The following RYR3 variants were observed in gnomAD, a reference collection of about 807,000 sequenced individuals.
The protein encoded by RYR3 is brain ryanodine receptor-calcium release channel.
RYR3 carries 207 observed loss-of-function variants against 584.3 expected under a neutral mutation model. The observed-to-expected ratio is 0.35, with a 90% confidence interval of 0.32 to 0.40. The LOEUF (loss-of-function observed/expected upper bound fraction) is 0.40. Among genes scored for constraint, RYR3 ranks in the 10% least tolerant of loss-of-function variants. RYR3 has a pLI of 1.00. For missense variants in RYR3, 5,616 were observed against 6,089.2 expected (o/e 0.92, Z 2.59); for synonymous variants, 2,416 against 2,248.5 (o/e 1.07, Z -2.11).
intron 60 of RYR3, among the ~76,000 whole-genome samples, chr15:33,766,304 A>C (rs1015525410): frequency 6.9e-6 from 1 of 145,486 alleles, no homozygotes; most frequent in Non-Finnish European, 1.5e-5. Flanking sequence ...AAAAAAAAGA[A>C]AAAAAGAAAA....
At chr15:33,581,286 G>A (rs1332565253) in intron 13 of RYR3, among the ~76,000 whole-genome samples, 1 of 152,032 alleles carries the variant, frequency 6.6e-6, no homozygotes, top group Non-Finnish European at 1.5e-5. Context: ...GGAGGCTGCT[G>A]ACTCACTCTC....
At chr15:33,663,821 C>A in intron 36 of RYR3, 84 bp downstream of exon 36, 1 of 1,186,460 alleles carries the variant, frequency 8.4e-7, no homozygotes, top group Non-Finnish European at 1.2e-6. Flanking sequence ...CCTCTATGGT[C>A]TCTGGGGCAG....
intron 43 of RYR3, among the ~76,000 whole-genome samples, chr15:33,713,601 ATTAAC>A (rs1325245659): frequency 3.3e-5 from 5 of 152,172 alleles, no homozygotes; most frequent in Admixed American, 6.5e-5. Flanking sequence ...TTTTACATAT[ATTAAC>A]TTTAATTATA....
chr15:33,854,624 G>A (rs1022684579), intron 97 of RYR3, 142 bp from the exon 98 acceptor site: 2 of 1,161,346 alleles, frequency 1.7e-6, no homozygotes, highest in Non-Finnish European at 2.5e-6. Flanking sequence ...GGCTCACTTA[G>A]CAGATCTTGG....
intron 1 of RYR3, among the ~76,000 whole-genome samples, chr15:33,464,276 C>T (rs756379280): frequency 2.6e-5 from 4 of 150,960 alleles, no homozygotes; most frequent in Non-Finnish European, 5.9e-5. Context: ...TGAGCAGACA[C>T]CTAAAGGAAG....
intron 1 of RYR3, among the ~76,000 whole-genome samples, chr15:33,355,842 C>T (rs1264109045): frequency 6.6e-6 from 1 of 152,168 alleles, no homozygotes; most frequent in Non-Finnish European, 1.5e-5. Flanking sequence ...CCCTATACTC[C>T]CTAGGTTCCC....
chr15:33,591,352 C>T (rs2059121310), intron 16 of RYR3, among the ~76,000 whole-genome samples: 2 of 152,196 alleles, frequency 1.3e-5, no homozygotes, highest in South Asian at 4.1e-4. Flanking sequence ...ATTTCTCTTA[C>T]ATCTGTAAGT....
chr15:33,569,805 T>C (rs2057923957), intron 12 of RYR3, among the ~76,000 whole-genome samples: 1 of 152,296 alleles, frequency 6.6e-6, no homozygotes, highest in East Asian at 1.9e-4. Context: ...TGAAGTAGTA[T>C]TATCGTGGTG....
chr15:33,745,536 G>A (rs1232194028), intron 52 of RYR3, among the ~76,000 whole-genome samples: 1 of 152,140 alleles, frequency 6.6e-6, no homozygotes, highest in Non-Finnish European at 1.5e-5. Context: ...CTGTGCCTCG[G>A]ACAGAGTCTG....
chr15:33,818,446 G>A (rs1410338610), intron 75 of RYR3, 132 bp from the exon 76 acceptor site: 8 of 639,378 alleles, frequency 1.3e-5, no homozygotes, highest in South Asian at 7.9e-5. Flanking sequence ...AATACATGAC[G>A]TAGTGGTTTT....
intron 1 of RYR3, among the ~76,000 whole-genome samples, chr15:33,386,958 T>C (rs2041646826): frequency 6.6e-6 from 1 of 151,976 alleles, no homozygotes; most frequent in Admixed American, 6.6e-5. Flanking sequence ...CCCAGGTTCA[T>C]GCCATTCTCC....
chr15:33,527,657 GA>G (rs953303811), intron 3 of RYR3, among the ~76,000 whole-genome samples: 2 of 151,618 alleles, frequency 1.3e-5, no homozygotes, highest in African/African-American at 2.4e-5. Flanking sequence ...CCCTTTTACA[GA>G]AAAAAAATTG....
chr15:33,514,612 CT>C (rs199716620), intron 3 of RYR3, among the ~76,000 whole-genome samples: 3,963 of 144,130 alleles, frequency 0.027, 53 homozygotes, highest in Non-Finnish European at 0.035. Flanking sequence ...GAATGCATTA[CT>C]TTTTTTTTTT....
chr15:33,373,327 G>A (rs1210119514), intron 1 of RYR3, among the ~76,000 whole-genome samples: 3 of 152,130 alleles, frequency 2.0e-5, no homozygotes, highest in Middle Eastern at 3.2e-3. Flanking sequence ...ATGATGTGAT[G>A]TATTTATTCC....
intron 1 of RYR3, among the ~76,000 whole-genome samples, chr15:33,364,919 T>C (rs1422839566): frequency 1.3e-5 from 2 of 152,104 alleles, no homozygotes; most frequent in African/African-American, 2.4e-5. Context: ...AAAAAGTAAC[T>C]CTGCCACTTG....
At position 33,697,950 on chromosome 15, in the gene RYR3, C is replaced by T. The variant is rs768515625; in HGVS notation, c.6203C>T (p.Thr2068Met). ...ATGAGAGTCCTGGGCATGCACGAGA[C>T]GGTGATGGAGGTGATGGTGAACGTG... ...NLMRVLGMHE[T>M]VMEVMVNVLG... Residue 2068 changes from threonine to methionine, a missense_variant, in exon 40 of 104, where the codon ACG (threonine) becomes ATG (methionine). Around this residue, in one of 9 missense-constraint regions of RYR3, gnomAD observed 1,280 missense variants for 1,426.2 expected, o/e 0.90. Transcript: ENST00000634891. 7 of 1,613,588 alleles carry T rather than the reference C, an allele frequency of 4.3e-6. No individual in the cohort carries two copies. The highest frequency in any genetic ancestry group is 1.1e-5 in the South Asian group (1 of 91,076).
At chr15:33,774,494 T>C (rs767691784) in intron 64 of RYR3, among the ~76,000 whole-genome samples, 2 of 152,234 alleles carry the variant, frequency 1.3e-5, no homozygotes, top group Admixed American at 6.5e-5. Flanking sequence ...TCAGAACTTA[T>C]ATTTATTCAA....
At chr15:33,621,447 A>C (rs972613973) in intron 19 of RYR3, among the ~76,000 whole-genome samples, 3 of 152,230 alleles carry the variant, frequency 2.0e-5, no homozygotes, top group Admixed American at 6.5e-5. Context: ...TGAATTGGGA[A>C]GTTCTCAACA....
intron 12 of RYR3, among the ~76,000 whole-genome samples, chr15:33,579,421 G>A (rs1274911692): frequency 6.6e-6 from 1 of 151,764 alleles, no homozygotes; most frequent in African/African-American, 2.4e-5. Flanking sequence ...CAAAGACCCA[G>A]TGATAGAAAT....
Sources: gnomAD v4.1 joint callset for allele counts (sites outside exome capture counted in the v4.1 genomes callset) on GRCh38, gnomAD v4.1.1 for gene constraint, gnomAD v4.1.1 regional missense constraint, MANE v1.5 for transcripts, NCBI Gene and HGNC (gene_info 2026-07-23, HGNC 2026-07-21) for gene names.